Variants in NETO2 observed in about 807,000 individuals in gnomAD.
The protein encoded by NETO2 is neuropilin and tolloid-like protein 2.
Under a neutral mutation model 62.5 loss-of-function variants are expected in NETO2, and 28 were observed. That is an observed-to-expected ratio of 0.45 (90% CI 0.33 to 0.61). NETO2 has a LOEUF of 0.61. Ranked by LOEUF, NETO2 falls within the 20% of genes least tolerant of loss-of-function variation. NETO2 has a pLI of 0.02. For synonymous variants in NETO2, 214 were observed against 219.1 expected, an observed-to-expected ratio of 0.98 and a Z score of 0.21; for missense variants, 548 against 643.2, an observed-to-expected ratio of 0.85 and a Z score of 1.60.
intron 6 of NETO2, among the ~76,000 whole-genome samples, chr16:47,112,722 AT>A (rs1249426376): frequency 6.6e-6 from 1 of 152,160 alleles, no homozygotes; most frequent in African/African-American, 2.4e-5. Flanking sequence ...AACTGTAATA[AT>A]TTTTTTAAGT....
At chr16:47,127,818 G>A (rs897031970) in intron 4 of NETO2, among the ~76,000 whole-genome samples, 5 of 152,262 alleles carry the variant, frequency 3.3e-5, no homozygotes, top group Non-Finnish European at 7.4e-5. Context: ...GTGCTTAATC[G>A]TCTTACAGCT....
Position 47,080,013 on chromosome 16 carries a change from T to A in NETO2, c.*3208A>T, listed in dbSNP as rs935577726. On this transcript the variant is annotated 3_prime_UTR_variant, in exon 9 of 9. Transcript: ENST00000562435. Reference sequence around the variant, plus strand: ...AGACTTTCAGGAGGTTCTTTTAAAGTCTAACAATTCTATGAAACATGACAA... The same window carrying A: ...AGACTTTCAGGAGGTTCTTTTAAAGACTAACAATTCTATGAAACATGACAA... 1.2e-4 allele frequency: 19 copies of A among 152,210 alleles called. No individual in the cohort carries two copies. The highest frequency in any genetic ancestry group is 5.9e-4 in the Admixed American group (9 of 15,284). The allele number at this position is 152,210 out of a possible 1,614,324, so 9.4% of individuals were successfully genotyped here.
At chr16:47,143,490 C>A (rs1964508455) in intron 1 of NETO2, 89 bp downstream of exon 1, 3 of 1,201,412 alleles carry the variant, frequency 2.5e-6, no homozygotes, top group South Asian at 4.1e-5. Context: ...GTCCCGGGCG[C>A]GGGTAAGGGA....
intron 1 of NETO2, among the ~76,000 whole-genome samples, chr16:47,137,588 T>C (rs1386712936): frequency 6.6e-6 from 1 of 152,166 alleles, no homozygotes; most frequent in Non-Finnish European, 1.5e-5. Flanking sequence ...AACAAATACT[T>C]CTTGTTTCTG....
rs775622091 is a variant in NETO2 at position 47,083,266 on chromosome 16, CCT to C, written c.1531_1532del (p.Arg511GlyfsTer13). ...ATGCTTGTGCAGAATCTTCTCGCCC[CCT>C]GACATAAATTTCACAGGGAATCTCC... ...MEEIPCEIYVRGREDSAQASI... is the reference protein window; with the variant it reads ...MEEIPCEIYVXGREDSAQASI... On this transcript the variant is annotated frameshift_variant, in exon 9 of 9. Transcript: ENST00000562435. LOFTEE classifies it high-confidence loss of function. 5.6e-6 allele frequency: 9 copies of C among 1,613,882 alleles called. No individual in the cohort carries two copies. The highest frequency in any genetic ancestry group is 4.5e-5 in the East Asian group (2 of 44,886).
At chr16:47,117,064 T>C (rs1337889065) in intron 6 of NETO2, among the ~76,000 whole-genome samples, 1 of 152,214 alleles carries the variant, frequency 6.6e-6, no homozygotes, top group African/African-American at 2.4e-5. Flanking sequence ...TAGTATCATT[T>C]ATCTTATCTA....
At chr16:47,097,427 C>T (rs1227859901) in intron 7 of NETO2, among the ~76,000 whole-genome samples, 2 of 152,346 alleles carry the variant, frequency 1.3e-5, no homozygotes, top group Non-Finnish European at 1.5e-5. Flanking sequence ...CTGGGCAGAG[C>T]CCACCGCAGC....
rs1409080701 is a variant in NETO2 at position 47,078,470 on chromosome 16, G to A, written c.*4751C>T. ...ACACTAGACAGTGCATACTAAACAT[G>A]CACCCTAGTCATTAGCTTTTTAGGC... On this transcript the variant is annotated 3_prime_UTR_variant, in exon 9 of 9. Transcript: ENST00000562435. 7 of 152,140 alleles carry A rather than the reference G, an allele frequency of 4.6e-5. No homozygotes were observed. Among genetic ancestry groups the A allele is most frequent in the Non-Finnish European group, 1.0e-4 (7 of 68,028 alleles). 9.4% of individuals were successfully genotyped at this position (152,140 alleles called of 1,614,324 possible).
chr16:47,125,591 C>A (rs1024245999), intron 4 of NETO2, among the ~76,000 whole-genome samples: 12 of 152,154 alleles, frequency 7.9e-5, no homozygotes, highest in African/African-American at 2.9e-4. Context: ...TGTGATCCAC[C>A]CACCTCAGCC....
At position 47,122,665 on chromosome 16, in the gene NETO2, T is replaced by C; in HGVS notation, c.646A>G (p.Lys216Glu). ...TCAATACATAATAATACCTTAGCTT[T>C]TGGAGTGGCTTTAATGGTCCAGATG... Reference protein sequence around the residue: ...DCIWTIKATPKAKIYLRFLDY... With the variant: ...DCIWTIKATPEAKIYLRFLDY... Residue 216 changes from lysine (K) to glutamate (E), a missense_variant, in exon 6 of 9, where the codon AAA becomes GAA. Physicochemically the swap from Lys to Glu is moderately conservative, Grantham distance 56. Coordinates refer to ENST00000562435, the MANE Select transcript of NETO2 (RefSeq NM_018092.5). 6.2e-7 allele frequency: 1 copy of C among 1,613,968 alleles called. No homozygotes were observed. The highest frequency in any genetic ancestry group is 8.5e-7 in the Non-Finnish European group (1 of 1,180,004).
At chr16:47,134,060 T>G (rs1178363061) in intron 1 of NETO2, among the ~76,000 whole-genome samples, 1 of 152,146 alleles carries the variant, frequency 6.6e-6, no homozygotes, top group Non-Finnish European at 1.5e-5. Flanking sequence ...TAGAGTCAAG[T>G]GCAACTTACA....
chr16:47,111,623 C>T (rs1963803550), intron 6 of NETO2, among the ~76,000 whole-genome samples: 1 of 152,122 alleles, frequency 6.6e-6, no homozygotes. Flanking sequence ...TATATCCTAC[C>T]CAGGGAGGCA....
chr16:47,120,737 C>G (rs1964020748), intron 6 of NETO2, among the ~76,000 whole-genome samples: 1 of 152,110 alleles, frequency 6.6e-6, no homozygotes, highest in Non-Finnish European at 1.5e-5. Flanking sequence ...ATTGATAATT[C>G]TGGTGTCAAT....
intron 1 of NETO2, among the ~76,000 whole-genome samples, chr16:47,136,269 C>A (rs1964360066): frequency 1.3e-5 from 2 of 152,054 alleles, no homozygotes; most frequent in South Asian, 4.2e-4. Context: ...ATGCAGGAAC[C>A]CATTGTCTAA....
At chr16:47,126,465 G>A (rs1292312328) in intron 4 of NETO2, among the ~76,000 whole-genome samples, 1 of 152,202 alleles carries the variant, frequency 6.6e-6, no homozygotes, top group African/African-American at 2.4e-5. Context: ...ATTGCCAGTG[G>A]TTTGGGGAAA....
chr16:47,142,947 C>G (rs1044153020), intron 1 of NETO2, among the ~76,000 whole-genome samples: 7 of 151,884 alleles, frequency 4.6e-5, no homozygotes, highest in African/African-American at 1.4e-4. Context: ...GGGAAGCACC[C>G]GAGCAGCAGC....
intron 4 of NETO2, 124 bp downstream of exon 4, chr16:47,128,201 G>T: frequency 3.3e-6 from 4 of 1,199,430 alleles, no homozygotes; most frequent in South Asian, 3.1e-5. Flanking sequence ...CTTTGACTTT[G>T]CTAATTTGTT....
At chr16:47,097,637 GAGC>G (rs1963455572) in intron 7 of NETO2, among the ~76,000 whole-genome samples, 1 of 152,160 alleles carries the variant, frequency 6.6e-6, no homozygotes, top group Non-Finnish European at 1.5e-5. Flanking sequence ...GCTCTGAAGA[GAGC>G]AGCAGACCTC....
chr16:47,130,832 T>C (rs1201240417), intron 2 of NETO2, among the ~76,000 whole-genome samples: 1 of 152,124 alleles, frequency 6.6e-6, no homozygotes, highest in African/African-American at 2.4e-5. Context: ...GAAGAGTTGC[T>C]TCAGAGACTG....
Sources: allele counts gnomAD v4.1 joint callset (sites outside exome capture counted in the v4.1 genomes callset), GRCh38; gene constraint gnomAD v4.1.1; transcripts MANE v1.5; gene names NCBI Gene and HGNC (gene_info 2026-07-23, HGNC 2026-07-21).